SIPA1L2: variants seen among roughly 807,000 people sequenced by gnomAD.
SIPA1L2 encodes the protein signal-induced proliferation-associated 1-like protein 2.
In SIPA1L2, 56 loss-of-function variants were observed where a neutral mutation model predicts 163.9. The ratio of observed to expected loss-of-function variants is 0.34; its 90% CI spans 0.28 to 0.43. SIPA1L2 has a LOEUF of 0.43. SIPA1L2 is among the 20% of genes least tolerant of loss of function. The pLI, the probability that SIPA1L2 is intolerant of heterozygous loss-of-function variation, is 1.00. For synonymous variants in SIPA1L2, 877 were observed against 865.7 expected, an observed-to-expected ratio of 1.01 and a Z score of -0.23; for missense variants, 1,974 against 2,193.5, an observed-to-expected ratio of 0.90 and a Z score of 2.00.
At chr1:232,572,969 CG>C (rs1659882946) in intron 2 of SIPA1L2, among the ~76,000 whole-genome samples, 1 of 151,382 alleles carries the variant, frequency 6.6e-6, no homozygotes. Flanking sequence ...TTAGTAGAGA[CG>C]GGGTTTCTCC....
chr1:232,425,496 T>C, intron 18 of SIPA1L2, 93 bp downstream of exon 18: 1 of 985,768 alleles, frequency 1.0e-6, no homozygotes, highest in Non-Finnish European at 1.4e-6. Flanking sequence ...AACAAACTCC[T>C]AAATCACTCC....
intron 1 of SIPA1L2, among the ~76,000 whole-genome samples, chr1:232,578,712 TA>T (rs1429575175): frequency 2.6e-5 from 4 of 152,204 alleles, no homozygotes; most frequent in Non-Finnish European, 5.9e-5. Flanking sequence ...GAACAGTCTG[TA>T]AAAGGCACTT....
chr1:232,493,749 T>G, intron 3 of SIPA1L2, 89 bp from the exon 4 acceptor site: 13 of 1,495,188 alleles, frequency 8.7e-6, no homozygotes, highest in African/African-American at 1.4e-5. Context: ...ATCAAATCTC[T>G]GAAGAAATAC....
chr1:232,599,077 C>T (rs555802519), intron 1 of SIPA1L2, among the ~76,000 whole-genome samples: 3 of 152,032 alleles, frequency 2.0e-5, no homozygotes, highest in Non-Finnish European at 4.4e-5. Context: ...CAAATCCATT[C>T]GATTCAATAA....
chr1:232,404,013 T>G, intron 20 of SIPA1L2, 112 bp downstream of exon 20: 1 of 1,211,524 alleles, frequency 8.3e-7, no homozygotes, highest in South Asian at 1.3e-5. Flanking sequence ...CATGTCCCGC[T>G]GTGCACCCCC....
chr1:232,520,830 C>T (rs1426356413), intron 2 of SIPA1L2, among the ~76,000 whole-genome samples: 4 of 152,078 alleles, frequency 2.6e-5, no homozygotes, highest in South Asian at 2.1e-4. Flanking sequence ...AGGTGCTGCT[C>T]GCACTTGAGG....
At chr1:232,412,604 G>A (rs1661024580) in intron 19 of SIPA1L2, among the ~76,000 whole-genome samples, 1 of 152,034 alleles carries the variant, frequency 6.6e-6, no homozygotes, top group African/African-American at 2.4e-5. Flanking sequence ...GATTGATCAC[G>A]CTCATCACCA....
At chr1:232,483,216 T>C (rs2102977347) in intron 6 of SIPA1L2, among the ~76,000 whole-genome samples, 1 of 151,742 alleles carries the variant, frequency 6.6e-6, no homozygotes, top group Non-Finnish European at 1.5e-5. Context: ...CAAGGGGATC[T>C]AAATAAAATC....
At chr1:232,416,662 T>G (rs1661282838) in intron 18 of SIPA1L2, among the ~76,000 whole-genome samples, 1 of 152,176 alleles carries the variant, frequency 6.6e-6, no homozygotes, top group Admixed American at 6.6e-5. Flanking sequence ...ATTATAAAAA[T>G]GTAGTAAGAC....
intron 2 of SIPA1L2, among the ~76,000 whole-genome samples, chr1:232,554,735 G>C (rs1658601083): frequency 1.3e-5 from 2 of 152,248 alleles, no homozygotes; most frequent in Admixed American, 1.3e-4. Flanking sequence ...CCTTGCAGCT[G>C]TTGTGCTGGC....
chr1:232,522,707 G>A (rs887440603), intron 2 of SIPA1L2, among the ~76,000 whole-genome samples: 5 of 152,170 alleles, frequency 3.3e-5, no homozygotes, highest in African/African-American at 1.2e-4. Flanking sequence ...TATCTGTAAA[G>A]TGGGAATAAT....
intron 7 of SIPA1L2, among the ~76,000 whole-genome samples, chr1:232,477,373 C>T (rs1214429510): frequency 6.6e-6 from 1 of 152,110 alleles, no homozygotes; most frequent in East Asian, 1.9e-4. Flanking sequence ...ATTTTAAGTG[C>T]TTTACATGCA....
Position 232,548,311 on chromosome 1 carries a change from C to A in SIPA1L2, c.-270+25863G>T, listed in dbSNP as rs1056651358. ...GGCTTGGTATGATAAGCAAACACAG[C>A]TGAAGAGCCACCCTGACTCCCTAGG... is the stretch of plus-strand genomic sequence containing the variant. On this transcript the variant is annotated intron_variant, in intron 2 of 22. Coordinates refer to ENST00000674635, the MANE Select transcript of SIPA1L2 (RefSeq NM_020808.5). 7.2e-5 allele frequency among the ~76,000 whole-genome samples: 11 copies of A among 152,296 alleles called. No individual in the cohort carries two copies. The South Asian group carries it at 2.3e-3, about 32-fold the overall frequency.
chr1:232,626,876 T>C (rs1257008217), intron 1 of SIPA1L2, among the ~76,000 whole-genome samples: 1 of 152,148 alleles, frequency 6.6e-6, no homozygotes, highest in Admixed American at 6.5e-5. Context: ...TCATCCAAAT[T>C]CATTTGTGAC....
chr1:232,439,911 G>C (rs920172661), intron 14 of SIPA1L2, among the ~76,000 whole-genome samples: 8 of 152,204 alleles, frequency 5.3e-5, no homozygotes, highest in African/African-American at 1.9e-4. Flanking sequence ...CAGGGCAGAA[G>C]ACTTAGGTTC....
At chr1:232,508,102 T>C (rs1666811642) in intron 3 of SIPA1L2, among the ~76,000 whole-genome samples, 1 of 152,130 alleles carries the variant, frequency 6.6e-6, no homozygotes, top group African/African-American at 2.4e-5. Flanking sequence ...GATTCCGCAT[T>C]TTCCCCCACT....
intron 10 of SIPA1L2, among the ~76,000 whole-genome samples, chr1:232,454,256 C>T (rs562613597): frequency 6.6e-6 from 1 of 152,186 alleles, no homozygotes; most frequent in Non-Finnish European, 1.5e-5. Flanking sequence ...ACCATAATCA[C>T]ACTTGACCAA....
intron 3 of SIPA1L2, among the ~76,000 whole-genome samples, chr1:232,500,691 G>A (rs1003681405): frequency 1.3e-5 from 2 of 152,186 alleles, no homozygotes; most frequent in Non-Finnish European, 2.9e-5. Context: ...TCTTTTGATG[G>A]AATCCACTCC....
intron 6 of SIPA1L2, among the ~76,000 whole-genome samples, chr1:232,482,918 G>T (rs1174388724): frequency 6.6e-6 from 1 of 152,188 alleles, no homozygotes; most frequent in Admixed American, 6.5e-5. Context: ...GATCCTCCAA[G>T]TTTAGACTAT....
Sources: gnomAD v4.1 joint callset for allele counts (sites outside exome capture counted in the v4.1 genomes callset) on GRCh38, gnomAD v4.1.1 for gene constraint, MANE v1.5 for transcripts, NCBI Gene and HGNC (gene_info 2026-07-23, HGNC 2026-07-21) for gene names.